TIAM1: variants seen among roughly 807,000 people sequenced by gnomAD.
TIAM1 encodes the protein rho guanine nucleotide exchange factor TIAM1.
A neutral mutation model predicts 163.5 loss-of-function variants in TIAM1; 65 were observed. That is an observed-to-expected ratio of 0.40 (90% CI 0.33 to 0.49). TIAM1 has a LOEUF of 0.49. TIAM1 is among the 20% of genes least tolerant of loss of function. TIAM1 has a pLI of 0.77. For missense variants in TIAM1, 1,789 were observed against 2,044.7 expected (o/e 0.87, Z 2.41); for synonymous variants, 833 against 810.1 (o/e 1.03, Z -0.48).
chr21:31,129,856 C>A (rs78434628), intron 25 of TIAM1, among the ~76,000 whole-genome samples: 1,865 of 152,186 alleles, frequency 0.012, 44 homozygotes, highest in African/African-American at 0.042. Context: ...TTTGTTTGCT[C>A]AGTCTCAAGG....
intron 16 of TIAM1, among the ~76,000 whole-genome samples, chr21:31,161,632 G>T (rs1227477882): frequency 6.6e-6 from 1 of 152,196 alleles, no homozygotes; most frequent in Non-Finnish European, 1.5e-5. Flanking sequence ...ATGTAAAACA[G>T]TCCATTTAGA....
chr21:31,262,963 A>G (rs2146801110), intron 4 of TIAM1, among the ~76,000 whole-genome samples: 1 of 152,274 alleles, frequency 6.6e-6, no homozygotes, highest in South Asian at 2.1e-4. Flanking sequence ...TTTTTTTTAA[A>G]AAAGCATTCT....
At chr21:31,557,938 G>T (rs1009622517) in intron 1 of TIAM1, among the ~76,000 whole-genome samples, 2 of 152,088 alleles carry the variant, frequency 1.3e-5, no homozygotes, top group Non-Finnish European at 2.9e-5. Flanking sequence ...TAGAGGCGCC[G>T]TGCGCGGCGG....
rs987503993 is a variant in TIAM1, at chr21:31,317,120, T to C, written c.-189+22123A>G. Among the ~76,000 whole-genome samples, 3 of 152,226 alleles carry C rather than the reference T, an allele frequency of 2.0e-5. No homozygotes were observed. In the South Asian group the frequency reaches 6.2e-4, roughly 32 times the overall value. ...GCTTCTCAAATCCCCGTAAGCTCTGTCCTCTCCATCTTCTCAATTTCAAGT... is the reference window on the plus strand; with the variant it reads ...GCTTCTCAAATCCCCGTAAGCTCTGCCCTCTCCATCTTCTCAATTTCAAGT... On this transcript the variant is annotated intron_variant, in intron 2 of 27. Coordinates refer to ENST00000541036, the MANE Select transcript of TIAM1 (RefSeq NM_001353694.2).
chr21:31,370,011 G>A (rs1332083686), intron 2 of TIAM1, among the ~76,000 whole-genome samples: 1 of 152,146 alleles, frequency 6.6e-6, no homozygotes. Context: ...GGGCCTAAGA[G>A]AGACCCCTTT....
intron 2 of TIAM1, among the ~76,000 whole-genome samples, chr21:31,369,006 G>A (rs1198467985): frequency 3.9e-5 from 6 of 152,026 alleles, no homozygotes; most frequent in Admixed American, 6.5e-5. Flanking sequence ...TTGGGAGGCC[G>A]AGGCGGGCGG....
chr21:31,146,403 CAAAAAAAAAAA>C (rs10542614), intron 20 of TIAM1, among the ~76,000 whole-genome samples: 2 of 89,918 alleles, frequency 2.2e-5, no homozygotes, highest in Non-Finnish European at 4.4e-5. Flanking sequence ...GGCTCTGTGT[CAAAAAAAAAAA>C]AAAAAAAAAA....
rs188174218 is a variant in TIAM1 at position 31,222,970 on chromosome 21, G to A, written c.1995+436C>T. On this transcript the variant is annotated intron_variant, in intron 8 of 27. Coordinates refer to ENST00000541036, the MANE Select transcript of TIAM1 (RefSeq NM_001353694.2). ...TGACCTCAGGTGATCCACCTGCGTC[G>A]GCCTCCCAAAGTGCTGGGATTACAG... Among the ~76,000 whole-genome samples the A allele has an allele frequency of 1.5e-3, 226 of 151,484 alleles. 3 individuals are homozygous for A. The highest frequency in any genetic ancestry group is 0.013 in the Admixed American group (194 of 15,162).
upstream of TIAM1, among the ~76,000 whole-genome samples, chr21:31,347,811 T>C (rs144128116): frequency 7.8e-5 from 11 of 140,586 alleles, no homozygotes; most frequent in African/African-American, 2.9e-4. Flanking sequence ...CCCTGACAAC[T>C]TTATGCACGA....
chr21:31,482,633 C>A (rs6517043), intron 1 of TIAM1, among the ~76,000 whole-genome samples: 3 of 151,906 alleles, frequency 2.0e-5, no homozygotes, highest in African/African-American at 7.3e-5. Flanking sequence ...GAGGAGAGAG[C>A]GCAGAGTGGG....
At chr21:31,430,596 G>T (rs2043993013) in intron 2 of TIAM1, among the ~76,000 whole-genome samples, 1 of 152,078 alleles carries the variant, frequency 6.6e-6, no homozygotes, top group African/African-American at 2.4e-5. Flanking sequence ...AATAGTTTCA[G>T]TCTAGGCTGA....
At chr21:31,294,154 A>G (rs922812092) in intron 2 of TIAM1, among the ~76,000 whole-genome samples, 4 of 152,186 alleles carry the variant, frequency 2.6e-5, no homozygotes, top group Admixed American at 6.5e-5. Flanking sequence ...TTCAGCATGA[A>G]AGGCCAGCAG....
At chr21:31,522,839 C>T (rs1012564846) in intron 1 of TIAM1, among the ~76,000 whole-genome samples, 1 of 152,188 alleles carries the variant, frequency 6.6e-6, no homozygotes, top group Non-Finnish European at 1.5e-5. Context: ...ATTAAAACAA[C>T]ATTTTTTTCT....
chr21:31,474,348 A>C (rs936373534), intron 1 of TIAM1, among the ~76,000 whole-genome samples: 13 of 152,168 alleles, frequency 8.5e-5, no homozygotes, highest in Non-Finnish European at 1.8e-4. Flanking sequence ...GGGTCAGGAC[A>C]CCTGGATTCA....
At chr21:31,334,514 C>T (rs1238251696) in intron 2 of TIAM1, among the ~76,000 whole-genome samples, 4 of 152,118 alleles carry the variant, frequency 2.6e-5, no homozygotes, top group African/African-American at 4.8e-5. Context: ...GCAAAAAAAT[C>T]CCACTGATAA....
intron 11 of TIAM1, among the ~76,000 whole-genome samples, chr21:31,207,513 G>A (rs2086515192): frequency 6.6e-6 from 1 of 151,916 alleles, no homozygotes; most frequent in Non-Finnish European, 1.5e-5. Context: ...AAAACCATTC[G>A]CCATTATATC....
At chr21:31,296,771 C>A (rs967301264) in intron 2 of TIAM1, among the ~76,000 whole-genome samples, 10 of 152,130 alleles carry the variant, frequency 6.6e-5, no homozygotes, top group African/African-American at 2.4e-4. Context: ...TCAAGCAATT[C>A]TCCTGCCTCA....
intron 12 of TIAM1, among the ~76,000 whole-genome samples, chr21:31,200,032 C>T (rs180897555): frequency 1.1e-4 from 17 of 152,238 alleles, no homozygotes; most frequent in Admixed American, 5.9e-4. Context: ...TTTGAACATT[C>T]CCTGACATAT....
chr21:31,295,781 T>C (rs1195503502), intron 2 of TIAM1, among the ~76,000 whole-genome samples: 2 of 152,120 alleles, frequency 1.3e-5, no homozygotes, highest in Non-Finnish European at 2.9e-5. Context: ...AATATGCACA[T>C]TAGGATTCTC....
Sources: gnomAD v4.1 joint callset for allele counts (sites outside exome capture counted in the v4.1 genomes callset) on GRCh38, gnomAD v4.1.1 for gene constraint, MANE v1.5 for transcripts, NCBI Gene and HGNC (gene_info 2026-07-23, HGNC 2026-07-21) for gene names.